Variants in ADARB1 observed in about 807,000 individuals in gnomAD.
ADARB1 encodes double-stranded RNA-specific editase 1.
ADARB1 carries 10 observed loss-of-function variants against 52.4 expected under a neutral mutation model. That is an observed-to-expected ratio of 0.19 (90% confidence interval 0.12 to 0.32). The LOEUF (loss-of-function observed/expected upper bound fraction) is 0.32, where lower values mean the gene tolerates loss of function less well. Ranked by LOEUF, ADARB1 falls within the 10% of genes least tolerant of loss-of-function variation. The pLI, the probability that ADARB1 is intolerant of heterozygous loss-of-function variation, is 1.00. For missense variants in ADARB1, 643 were observed against 922.3 expected (o/e 0.70, Z 3.92); for synonymous variants, 349 against 371.1 (o/e 0.94, Z 0.68).
At chr21:45,098,498 T>C (rs2086863276) in intron 1 of ADARB1, among the ~76,000 whole-genome samples, 2 of 152,192 alleles carry the variant, frequency 1.3e-5, no homozygotes, top group South Asian at 4.1e-4. Flanking sequence ...CGTCCTGACC[T>C]GCCTGTTTAT....
intron 2 of ADARB1, among the ~76,000 whole-genome samples, chr21:45,138,732 G>A (rs952930297): frequency 2.6e-5 from 4 of 152,148 alleles, no homozygotes; most frequent in African/African-American, 9.7e-5. Context: ...GACGAGCACT[G>A]GATCAGCTTA....
In ADARB1 at chr21:45,182,694, A is replaced by G. The variant is rs1183016529; in HGVS notation, c.1188A>G (p.Glu396=). 1 of 1,612,252 alleles carries G rather than the reference A, an allele frequency of 6.2e-7. No homozygotes were observed. The highest frequency in any genetic ancestry group is 1.3e-5 in the African/African-American group (1 of 74,920). The change falls in exon 6 of 11, where the codon GAA becomes GAG. Residue 396 remains glutamate, a synonymous_variant. Coordinates refer to ENST00000348831, the MANE Select transcript of ADARB1 (RefSeq NM_001112.4). ...RGLALNDCHA[E]IISRRSLLRF... is the part of the protein sequence containing the mutation. ...TTGCATTAAATGACTGCCATGCAGA[A>G]ATAATATCTCGGAGATCCTTGCTCA...
At chr21:45,091,821 G>T (rs564090341) in intron 1 of ADARB1, among the ~76,000 whole-genome samples, 1 of 152,206 alleles carries the variant, frequency 6.6e-6, no homozygotes, top group Admixed American at 6.5e-5. Flanking sequence ...GAGTTTAACC[G>T]TGGGCTAGGC....
intron 4 of ADARB1, among the ~76,000 whole-genome samples, chr21:45,177,989 C>T (rs2091770148): frequency 6.6e-6 from 1 of 151,950 alleles, no homozygotes; most frequent in Admixed American, 6.6e-5. Flanking sequence ...TACTAGATCC[C>T]ATGTGATTTT....
chr21:45,206,950 C>G (rs950011155), intron 9 of ADARB1, among the ~76,000 whole-genome samples: 2 of 152,184 alleles, frequency 1.3e-5, no homozygotes, highest in Admixed American at 1.3e-4. Context: ...GGGGCTGTGC[C>G]GAGCTGATTC....
intron 2 of ADARB1, chr21:45,134,856 G>T (rs752731607): frequency 1.9e-6 from 1 of 533,350 alleles, no homozygotes; most frequent in Non-Finnish European, 3.9e-6. Flanking sequence ...GGCATTTGTG[G>T]TCAGGGGCAC....
chr21:45,139,931 C>CTT (rs1491352100), intron 2 of ADARB1, among the ~76,000 whole-genome samples: 2 of 87,028 alleles, frequency 2.3e-5, no homozygotes, highest in African/African-American at 4.3e-5. Flanking sequence ...GACAATAAAA[C>CTT]TCTTTTTTTT....
At chr21:45,112,821 G>A (rs1278385069) in intron 1 of ADARB1, among the ~76,000 whole-genome samples, 2 of 152,090 alleles carry the variant, frequency 1.3e-5, no homozygotes, top group Admixed American at 6.6e-5. Flanking sequence ...GAAGTTCTGG[G>A]GAGATCAGGT....
chr21:45,139,229 C>A (rs1200232770), intron 2 of ADARB1, among the ~76,000 whole-genome samples: 1 of 152,140 alleles, frequency 6.6e-6, no homozygotes, highest in African/African-American at 2.4e-5. Context: ...CCTTGTTTGT[C>A]TTCTGTGTTA....
chr21:45,202,075 C>T (rs1358280261), intron 8 of ADARB1, among the ~76,000 whole-genome samples: 1 of 151,866 alleles, frequency 6.6e-6, no homozygotes, highest in Non-Finnish European at 1.5e-5. Context: ...TCTTGGGAGC[C>T]ACTGGACTGT....
At position 45,200,531 on chromosome 21, in the gene ADARB1, G is replaced by C. The variant is rs2092530099; in HGVS notation, c.1566-4024G>C. 6.6e-6 allele frequency among the ~76,000 whole-genome samples: 1 copy of C among 152,212 alleles called. No individual in the cohort carries two copies. The highest frequency in any genetic ancestry group is 2.1e-4 in the South Asian group (1 of 4,828). On this transcript the variant is annotated intron_variant, in intron 8 of 10. Coordinates refer to ENST00000348831, the MANE Select transcript of ADARB1 (RefSeq NM_001112.4). The surrounding 1 kb of genome is among the most constrained non-coding windows in gnomAD (Gnocchi z 5.0). The stretch of plus-strand genomic sequence containing the variant: ...AGTCGGCTATGGCAAGGGGGCCAGA[G>C]CACTGTGTTGGGCAGACTCAAAGGC...
rs2091538055 is a variant in ADARB1 at position 45,172,758 on chromosome 21, A to G, written c.28+1074A>G. 6.6e-6 allele frequency among the ~76,000 whole-genome samples: 1 copy of G among 152,236 alleles called. No individual in the cohort carries two copies. Among genetic ancestry groups the G allele is most frequent in the African/African-American group, 2.4e-5 (1 of 41,458 alleles). ...GAGACCACCTCCTGCAGTGCTACCC[A>G]GGAACCACGGGACCAGCGTGCTCAC... On this transcript the variant is annotated intron_variant, in intron 3 of 10. Transcript: ENST00000348831. This position sits in a 1 kb window ranked among gnomAD's most constrained non-coding sequence, Gnocchi z 4.4.
chr21:45,191,647 G>T (rs2092284360), intron 8 of ADARB1, among the ~76,000 whole-genome samples: 1 of 151,546 alleles, frequency 6.6e-6, no homozygotes, highest in South Asian at 2.1e-4. Context: ...TGTTTGATTT[G>T]GATGACTAAT....
At chr21:45,219,056 A>C (rs1216469824) in intron 9 of ADARB1, among the ~76,000 whole-genome samples, 2 of 152,260 alleles carry the variant, frequency 1.3e-5, no homozygotes, top group Non-Finnish European at 2.9e-5. Context: ...GTGATTAGTT[A>C]AGATGAGATC....
chr21:45,163,961 C>CT, intron 2 of ADARB1, among the ~76,000 whole-genome samples: 1 of 152,208 alleles, frequency 6.6e-6, no homozygotes, highest in East Asian at 1.9e-4. Context: ...GGGCTGTGTG[C>CT]TTTTTTTGCT....
intron 3 of ADARB1, among the ~76,000 whole-genome samples, chr21:45,173,069 A>G (rs1385680897): frequency 1.3e-5 from 2 of 152,194 alleles, no homozygotes; most frequent in Admixed American, 6.5e-5. Context: ...ACTGTGGCCT[A>G]CAGCCTACAG....
At position 45,126,981 on chromosome 21, in the gene ADARB1, T is replaced by C. The variant is rs147310243; in HGVS notation, c.-219-1421T>C. ...TCTTGGTTTCATGTCCTTTCTGCTG[T>C]GTTTTTCTTTCTCTGTTTAGGCGGT... is the stretch of plus-strand genomic sequence containing the variant. On this transcript the variant is annotated intron_variant, in intron 1 of 10. Transcript: ENST00000348831. 6.9e-3 allele frequency among the ~76,000 whole-genome samples: 1,054 copies of C among 152,340 alleles called. 11 individuals are homozygous for C. The highest frequency in any genetic ancestry group is 0.024 in the African/African-American group (997 of 41,558).
intron 2 of ADARB1, among the ~76,000 whole-genome samples, chr21:45,156,435 C>CTAT (rs2090640608): frequency 7.8e-6 from 1 of 128,296 alleles, no homozygotes; most frequent in African/African-American, 2.8e-5. Context: ...CATCCATCAT[C>CTAT]CATTCGTCCA....
At chr21:45,209,318 G>A (rs1601994797) in intron 9 of ADARB1, among the ~76,000 whole-genome samples, 1 of 152,218 alleles carries the variant, frequency 6.6e-6, no homozygotes, top group East Asian at 1.9e-4. Context: ...AGAGCTCCTG[G>A]TTTCTCTTCT....
Sources: allele counts gnomAD v4.1 joint callset (sites outside exome capture counted in the v4.1 genomes callset), GRCh38; gene constraint gnomAD v4.1.1; non-coding constraint Gnocchi (gnomAD v3.1); transcripts MANE v1.5; gene names NCBI Gene and HGNC (gene_info 2026-07-23, HGNC 2026-07-21).